Variants in MEIKIN observed in about 807,000 individuals in gnomAD.
MEIKIN encodes meiotic kinetochore factor, also known as meiosis-specific kinetochore protein.
chr5:131,847,804 G>A (rs576718160), intron 11 of MEIKIN, among the ~76,000 whole-genome samples: 3 of 152,018 alleles, frequency 2.0e-5, no homozygotes, highest in East Asian at 3.9e-4. Flanking sequence ...TATTTTAAAA[G>A]ATAGATATCA....
chr5:131,884,434 G>A (rs767277098), intron 8 of MEIKIN, among the ~76,000 whole-genome samples: 12 of 152,092 alleles, frequency 7.9e-5, no homozygotes, highest in Non-Finnish European at 1.2e-4. Context: ...CCCTGGGCCA[G>A]AAGGGAACCC....
At chr5:131,882,027 T>A (rs1324572319) in intron 8 of MEIKIN, among the ~76,000 whole-genome samples, 1 of 152,202 alleles carries the variant, frequency 6.6e-6, no homozygotes, top group African/African-American at 2.4e-5. Flanking sequence ...AATGGTACCA[T>A]CATTCATCCA....
At chr5:131,887,451 C>T (rs1040926498) in intron 8 of MEIKIN, among the ~76,000 whole-genome samples, 5 of 152,114 alleles carry the variant, frequency 3.3e-5, no homozygotes, top group Non-Finnish European at 7.4e-5. Context: ...ATTTACACTC[C>T]CACCAACAGT....
intron 8 of MEIKIN, among the ~76,000 whole-genome samples, chr5:131,909,464 T>C (rs930228776): frequency 2.0e-5 from 3 of 152,156 alleles, no homozygotes; most frequent in Non-Finnish European, 4.4e-5. Context: ...ATGAAACTAC[T>C]ACAAGAAAAC....
intron 4 of MEIKIN, among the ~76,000 whole-genome samples, chr5:131,935,314 A>G (rs1751760054): frequency 2.6e-5 from 4 of 151,388 alleles, no homozygotes; most frequent in Non-Finnish European, 5.9e-5. Flanking sequence ...CCAGAATATG[A>G]AGAACTATGA....
intron 9 of MEIKIN, among the ~76,000 whole-genome samples, chr5:131,860,404 T>G (rs1420500098): frequency 6.6e-6 from 1 of 151,194 alleles, no homozygotes; most frequent in East Asian, 1.9e-4. Flanking sequence ...GTTTGCATCC[T>G]GCGGCTTCAC....
chr5:131,850,298 C>G (rs1375545048), intron 11 of MEIKIN, among the ~76,000 whole-genome samples: 1 of 152,024 alleles, frequency 6.6e-6, no homozygotes, highest in African/African-American at 2.4e-5. Flanking sequence ...CTATCAAAAC[C>G]CCAATGATGT....
intron 9 of MEIKIN, among the ~76,000 whole-genome samples, chr5:131,870,188 A>G (rs1405830640): frequency 6.6e-6 from 1 of 152,216 alleles, no homozygotes; most frequent in Non-Finnish European, 1.5e-5. Flanking sequence ...ATAAAGACAT[A>G]CAGCTATTAA....
At chr5:131,853,892 G>C (rs781564903) in intron 10 of MEIKIN, among the ~76,000 whole-genome samples, 23 of 152,170 alleles carry the variant, frequency 1.5e-4, no homozygotes, top group Admixed American at 1.4e-3. Flanking sequence ...CATTTTGCTA[G>C]TGGGAATGTA....
At chr5:131,857,134 T>C (rs1750209475) in intron 9 of MEIKIN, among the ~76,000 whole-genome samples, 1 of 152,100 alleles carries the variant, frequency 6.6e-6, no homozygotes, top group African/African-American at 2.4e-5. Flanking sequence ...AGAGTTTAAC[T>C]GAAAATTTGT....
At chr5:131,869,915 T>G (rs1407001937) in intron 9 of MEIKIN, among the ~76,000 whole-genome samples, 1 of 152,236 alleles carries the variant, frequency 6.6e-6, no homozygotes, top group Admixed American at 6.5e-5. Context: ...GCAGCAGTTT[T>G]CTCTATGACC....
intron 1 of MEIKIN, 52 bp downstream of exon 1, chr5:131,945,348 G>A (rs1482594335): frequency 2.5e-6 from 1 of 398,978 alleles, no homozygotes; most frequent in East Asian, 3.6e-5. Flanking sequence ...CCTCGGTCCC[G>A]TCCCGGAGGC....
chr5:131,875,147 A>C (rs1250464675), intron 9 of MEIKIN, among the ~76,000 whole-genome samples: 2 of 152,212 alleles, frequency 1.3e-5, no homozygotes, highest in Non-Finnish European at 2.9e-5. Context: ...TGGCCAGGGC[A>C]ATCAGCCAGG....
At chr5:131,906,831 G>A (rs936879747) in intron 8 of MEIKIN, among the ~76,000 whole-genome samples, 3 of 152,100 alleles carry the variant, frequency 2.0e-5, no homozygotes, top group African/African-American at 7.2e-5. Flanking sequence ...TATATGGACA[G>A]AAAGAAGGAA....
At chr5:131,860,633 G>C (rs1031617206) in intron 9 of MEIKIN, among the ~76,000 whole-genome samples, 22 of 150,150 alleles carry the variant, frequency 1.5e-4, no homozygotes, top group Admixed American at 4.0e-4. Context: ...ATTTTTAGTA[G>C]AGACGGGGTT....
chr5:131,904,561 A>T (rs1433035756), intron 8 of MEIKIN, among the ~76,000 whole-genome samples: 2 of 152,246 alleles, frequency 1.3e-5, no homozygotes, highest in African/African-American at 4.8e-5. Context: ...CCAATAGTGT[A>T]AAAGTATTAA....
chr5:131,821,698 T>G (rs914541551), intron 11 of MEIKIN, among the ~76,000 whole-genome samples: 1 of 137,136 alleles, frequency 7.3e-6, no homozygotes, highest in Non-Finnish European at 1.5e-5. Context: ...CAGGGTGGAA[T>G]GCAGTGGTCC....
chr5:131,812,462 T>C (rs1036263958), intron 12 of MEIKIN, among the ~76,000 whole-genome samples: 2 of 152,182 alleles, frequency 1.3e-5, no homozygotes, highest in Non-Finnish European at 2.9e-5. Flanking sequence ...CCTTCCACCT[T>C]TGTAATTTCC....
At chr5:131,895,313 C>G (rs1561748061) in intron 8 of MEIKIN, among the ~76,000 whole-genome samples, 1 of 152,224 alleles carries the variant, frequency 6.6e-6, no homozygotes, top group Non-Finnish European at 1.5e-5. Context: ...AGGATTTTCA[C>G]ATCGATGTTC....
Sources: allele counts gnomAD v4.1 joint callset (sites outside exome capture counted in the v4.1 genomes callset), GRCh38; gene constraint gnomAD v4.1.1; transcripts MANE v1.5; gene names NCBI Gene and HGNC (gene_info 2026-07-23, HGNC 2026-07-21).